Variants in GTPBP6 observed in about 807,000 individuals in gnomAD.
GTPBP6 encodes putative GTP-binding protein 6.
In GTPBP6, 33 loss-of-function variants were observed where a neutral mutation model predicts 28.9. The observed-to-expected ratio is 1.14, with a 90% confidence interval of 0.87 to 1.53. The LOEUF (loss-of-function observed/expected upper bound fraction) is 1.53. Among genes scored for constraint, GTPBP6 ranks in the 40% most tolerant of loss-of-function variants. GTPBP6 has a pLI of 0.00. For missense variants in GTPBP6, 507 were observed against 408.3 expected (o/e 1.24, Z -2.08); for synonymous variants, 231 against 192.7 (o/e 1.20, Z -1.65).
intron 7 of GTPBP6, among the ~76,000 whole-genome samples, chrX:309,791 CA>C (rs1202694865): frequency 7.3e-6 from 1 of 136,550 alleles, no homozygotes; most frequent in Non-Finnish European, 1.5e-5. Flanking sequence ...AAGACCTGTC[CA>C]TGTATTGATC....
intron 1 of GTPBP6, 117 bp downstream of exon 1, chrX:318,322 G>A (rs2070478134): frequency 2.6e-6 from 1 of 386,428 alleles, no homozygotes; most frequent in African/African-American, 2.2e-5. Flanking sequence ...CTCCACCTAT[G>A]AGATCGTCCC....
intron 8 of GTPBP6, 93 bp from the exon 9 acceptor site, chrX:307,605 T>C (rs771524881): frequency 1.0e-4 from 152 of 1,466,196 alleles, no homozygotes; most frequent in Admixed American, 4.4e-4. Context: ...CGGGGCACAG[T>C]CTGGGGCCAC....
chrX:312,646 G>T, intron 6 of GTPBP6, 120 bp downstream of exon 6: 1 of 1,036,544 alleles, frequency 9.6e-7, no homozygotes, highest in Non-Finnish European at 1.5e-6. Flanking sequence ...CTGGGCACGT[G>T]CTCACCGCAG....
At position 314,231 on chromosome X, in the gene GTPBP6, G is replaced by C. The variant is rs749064610; in HGVS notation, c.690-14C>G. 1 of 1,610,262 alleles carries C rather than the reference G, an allele frequency of 6.2e-7. No individual in the cohort carries two copies. Among genetic ancestry groups the C allele is most frequent in the African/African-American group, 1.3e-5 (1 of 74,846 alleles). On this transcript the variant is annotated splice_polypyrimidine_tract_variant and intron_variant, in intron 4 of 9. Coordinates refer to ENST00000326153, the Ensembl canonical transcript of GTPBP6. ...TTCAAGTTCGACCTGGTGTGGGAACGGGAGTGGCTCGGTCTCTGCGGACGC... is the reference window on the plus strand; with the variant it reads ...TTCAAGTTCGACCTGGTGTGGGAACCGGAGTGGCTCGGTCTCTGCGGACGC...
At position 312,931 on chromosome X, in the gene GTPBP6, G is replaced by C. The variant is rs370636251; in HGVS notation, c.758-7C>G. On this transcript the variant is annotated splice_region_variant and splice_polypyrimidine_tract_variant and intron_variant, in intron 5 of 9. Coordinates refer to ENST00000326153, the Ensembl canonical transcript of GTPBP6. ...AGCTGCATGAAGGATTCTCCTAAAA[G>C]ACACCCGAGATGGTGAGGCGGTGAG... is the stretch of plus-strand genomic sequence containing the variant. 9.8e-5 allele frequency: 158 copies of C among 1,608,374 alleles called. No individual in the cohort carries two copies. In the African/African-American group the frequency reaches 1.7e-3, roughly 17 times the overall value.
exon 2 of GTPBP6, chrX:316,985 G>A (rs1287538593): frequency 2.5e-6 from 1 of 398,584 alleles, no homozygotes; most frequent in African/African-American, 2.1e-5. Flanking sequence ...CACGACCATT[G>A]TCTGCACCAC....
Position 312,753 on chromosome X carries a change from G to A in GTPBP6, c.916+13C>T. The A allele has an allele frequency of 1.3e-6, 2 of 1,594,880 alleles. No homozygotes were observed. Among genetic ancestry groups the A allele is most frequent in the Non-Finnish European group, 1.7e-6 (2 of 1,172,556 alleles). The stretch of plus-strand genomic sequence containing the variant: ...GAGACCGCGGAAGGCCCCTCCCCTG[G>A]GCGCGTGCTCACCGCAGTTGGTGTA... On this transcript the variant is annotated intron_variant, in intron 6 of 9. Transcript: ENST00000326153.
intron 6 of GTPBP6, 114 bp from the exon 7 acceptor site, chrX:311,741 G>A: frequency 1.2e-6 from 1 of 843,378 alleles, no homozygotes; most frequent in Non-Finnish European, 1.9e-6. Flanking sequence ...CCGCACCCCG[G>A]GCTACACGGT....
chrX:312,642 A>G (rs1256931699), intron 6 of GTPBP6, 124 bp downstream of exon 6: 1 of 979,566 alleles, frequency 1.0e-6, no homozygotes, highest in Non-Finnish European at 1.6e-6. Flanking sequence ...TCTCCTGGGC[A>G]CGTGCTCACC....
chrX:308,022 G>T, intron 7 of GTPBP6, 142 bp from the exon 8 acceptor site: 1 of 643,612 alleles, frequency 1.6e-6, no homozygotes, highest in Non-Finnish European at 2.3e-6. Flanking sequence ...AGGCCCCTCG[G>T]ACACCCCAGG....
In GTPBP6 at chrX:307,566, A is replaced by T. The variant is rs924085432; in HGVS notation, c.1275-54T>A. On this transcript the variant is annotated intron_variant, in intron 8 of 9. Coordinates refer to ENST00000326153, the Ensembl canonical transcript of GTPBP6. ...GCTCAGCGTCGGGGCGGCCGGACGA[A>T]ATCAGGGTCCCCAGGAGTCCACTGC... The T allele has an allele frequency of 8.2e-6, 13 of 1,581,558 alleles. No individual in the cohort carries two copies. In the African/African-American group the frequency reaches 1.3e-4, roughly 16 times the overall value.
chrX:317,643 C>T (rs1455880583), intron 1 of GTPBP6, among the ~76,000 whole-genome samples: 4 of 151,402 alleles, frequency 2.6e-5, no homozygotes, highest in Admixed American at 6.6e-5. Context: ...TACCTCTAAC[C>T]CAGAGCAAGA....
At chrX:312,406 G>A in intron 6 of GTPBP6, 1 of 514,316 alleles carries the variant, frequency 1.9e-6, no homozygotes, top group Non-Finnish European at 3.8e-6. Flanking sequence ...GTGTAGACAG[G>A]GTGGTGGTAT....
At chrX:309,677 G>A (rs1358756739) in intron 7 of GTPBP6, among the ~76,000 whole-genome samples, 2 of 151,482 alleles carry the variant, frequency 1.3e-5, no homozygotes, top group Admixed American at 6.6e-5. Context: ...GCCCAGGGAC[G>A]CCTGGAGCCC....
At chrX:310,347 C>T (rs1281112108) in intron 7 of GTPBP6, among the ~76,000 whole-genome samples, 1 of 132,172 alleles carries the variant, frequency 7.6e-6, no homozygotes, top group Non-Finnish European at 1.5e-5. Context: ...CGGCCACAAG[C>T]CCAGGGACGC....
Position 314,876 on chromosome X carries a change from G to A in GTPBP6, c.689+14C>T. 1 of 399,308 alleles carries A rather than the reference G, an allele frequency of 2.5e-6. No individual in the cohort carries two copies. The highest frequency in any genetic ancestry group is 4.4e-6 in the Non-Finnish European group (1 of 226,538). The allele number at this position is 399,308 out of a possible 1,614,324, so 24.7% of individuals were successfully genotyped here. On this transcript the variant is annotated intron_variant, in intron 4 of 9. Coordinates refer to ENST00000326153, the Ensembl canonical transcript of GTPBP6. ...GGACGTGACGCTCGGCGCGGCCCAGGGGCCCCACGATACCTGTGCAGCGGC... is the reference window on the plus strand; with the variant it reads ...GGACGTGACGCTCGGCGCGGCCCAGAGGCCCCACGATACCTGTGCAGCGGC...
intron 7 of GTPBP6, 81 bp from the exon 8 acceptor site, chrX:307,961 C>T (rs1486736801): frequency 1.6e-6 from 2 of 1,233,948 alleles, no homozygotes; most frequent in Non-Finnish European, 2.2e-6. Flanking sequence ...AGGAGAGGGG[C>T]TCACACGAGC....
intron 5 of GTPBP6, among the ~76,000 whole-genome samples, chrX:313,344 G>C (rs1383456590): frequency 1.3e-5 from 2 of 152,130 alleles, no homozygotes; most frequent in Non-Finnish European, 2.9e-5. Context: ...CCTAGGTTAG[G>C]GTGGGCCCTA....
intron 7 of GTPBP6, among the ~76,000 whole-genome samples, chrX:308,612 C>T (rs2070221568): frequency 6.6e-6 from 1 of 150,838 alleles, no homozygotes; most frequent in African/African-American, 2.4e-5. Flanking sequence ...CCCAGGAGGT[C>T]GAGGCTGCAG....
Sources: allele counts gnomAD v4.1 joint callset (sites outside exome capture counted in the v4.1 genomes callset), GRCh38; gene constraint gnomAD v4.1.1; transcripts MANE v1.5; gene names NCBI Gene and HGNC (gene_info 2026-07-23, HGNC 2026-07-21).